Variants in METTL15 observed in about 807,000 individuals in gnomAD.
METTL15 encodes 12S rRNA N(4)-cytidine methyltransferase METTL15.
In METTL15, 34 loss-of-function variants were observed where a neutral mutation model predicts 38.3. The observed-to-expected ratio is 0.89, with a 90% confidence interval of 0.68 to 1.18. The LOEUF (loss-of-function observed/expected upper bound fraction) is 1.18. Among genes scored for constraint, METTL15 ranks in the 50% most tolerant of loss-of-function variants. The probability of loss-of-function intolerance (pLI) is 0.00; values close to 1 mark genes in which losing one functional copy is unlikely to be tolerated. For synonymous variants in METTL15, 162 were observed against 170.9 expected, an observed-to-expected ratio of 0.95 and a Z score of 0.41; for missense variants, 438 against 498.4, an observed-to-expected ratio of 0.88 and a Z score of 1.15.
chr11:28,179,225 T>C (rs1052654742), intron 3 of METTL15, among the ~76,000 whole-genome samples: 2 of 151,850 alleles, frequency 1.3e-5, no homozygotes, highest in South Asian at 2.1e-4. Flanking sequence ...TATAATCTTA[T>C]GTTTTTCCCC....
chr11:28,466,703 T>G (rs1851260185), intron 6 of METTL15, among the ~76,000 whole-genome samples: 1 of 152,176 alleles, frequency 6.6e-6, no homozygotes, highest in South Asian at 2.1e-4. Context: ...ACAGTCTCAT[T>G]TACCCTCAGC....
At chr11:28,255,823 C>T (rs936219120) in intron 4 of METTL15, among the ~76,000 whole-genome samples, 1 of 152,210 alleles carries the variant, frequency 6.6e-6, no homozygotes, top group Admixed American at 6.5e-5. Context: ...CCTGCCTTAG[C>T]CTCCCAAGTG....
At chr11:28,247,948 A>G (rs1196690264) in intron 4 of METTL15, among the ~76,000 whole-genome samples, 2 of 152,106 alleles carry the variant, frequency 1.3e-5, no homozygotes, top group Non-Finnish European at 2.9e-5. Flanking sequence ...TATAATATTG[A>G]TTTTAAAGTT....
intron 6 of METTL15, among the ~76,000 whole-genome samples, chr11:28,514,236 A>C (rs114333292): frequency 2.5e-3 from 374 of 152,328 alleles, no homozygotes; most frequent in African/African-American, 8.2e-3. Flanking sequence ...AAGCCAATCA[A>C]CATATGCCAT....
chr11:28,195,916 A>G (rs994056502), intron 3 of METTL15, among the ~76,000 whole-genome samples: 3 of 151,968 alleles, frequency 2.0e-5, no homozygotes, highest in African/African-American at 4.8e-5. Flanking sequence ...ATTTTTCTAT[A>G]TGTGGCTTTC....
intron 6 of METTL15, among the ~76,000 whole-genome samples, chr11:28,500,008 AT>A (rs11325215): frequency 0.47 from 68,138 of 144,968 alleles, 16,110 homozygotes; most frequent in Admixed American, 0.56. Flanking sequence ...TGGAATTGCT[AT>A]TTTTTTTTTT....
intron 3 of METTL15, among the ~76,000 whole-genome samples, chr11:28,151,018 A>AAG (rs1850067808): frequency 6.6e-6 from 1 of 151,214 alleles, no homozygotes; most frequent in Admixed American, 6.6e-5. Context: ...AAAAAAAAAA[A>AAG]AAAAAAAGAA....
At chr11:28,475,113 G>A (rs1302147088) in intron 6 of METTL15, among the ~76,000 whole-genome samples, 1 of 152,150 alleles carries the variant, frequency 6.6e-6, no homozygotes, top group Non-Finnish European at 1.5e-5. Context: ...GGCAAGAGTT[G>A]ATTTGAACAA....
intron 6 of METTL15, among the ~76,000 whole-genome samples, chr11:28,465,227 T>C (rs1028986815): frequency 2.2e-4 from 34 of 152,182 alleles, no homozygotes; most frequent in African/African-American, 8.2e-4. Context: ...TTCTTTTACT[T>C]CCTTGGTACC....
At chr11:28,410,122 A>G (rs554603864) in intron 5 of METTL15, among the ~76,000 whole-genome samples, 7 of 152,316 alleles carry the variant, frequency 4.6e-5, no homozygotes, top group Middle Eastern at 3.4e-3. Context: ...AGAGATAACT[A>G]AAAACCTTCC....
At chr11:28,269,059 T>A (rs1008736596) in intron 4 of METTL15, among the ~76,000 whole-genome samples, 1 of 152,218 alleles carries the variant, frequency 6.6e-6, no homozygotes, top group Non-Finnish European at 1.5e-5. Flanking sequence ...AGCGACAATA[T>A]GTTTCACCAG....
chr11:28,439,482 G>A (rs4378370), intron 6 of METTL15, among the ~76,000 whole-genome samples: 151,343 of 152,348 alleles, frequency 0.99, 75,182 homozygotes, highest in Middle Eastern at 1. Flanking sequence ...ATTTAGAATA[G>A]GCAAATTTTG....
At chr11:28,308,282 G>A (rs904404904) in intron 6 of METTL15, among the ~76,000 whole-genome samples, 13 of 152,054 alleles carry the variant, frequency 8.5e-5, no homozygotes, top group Non-Finnish European at 1.8e-4. Flanking sequence ...AACAGAATGA[G>A]CTTCTTTAAT....
At chr11:28,462,634 C>G (rs1170325828) in intron 6 of METTL15, among the ~76,000 whole-genome samples, 1 of 151,870 alleles carries the variant, frequency 6.6e-6, no homozygotes, top group East Asian at 1.9e-4. Context: ...CTTCAGGCAG[C>G]CTCATGGGAT....
chr11:28,156,518 T>A (rs1198744891), intron 3 of METTL15, among the ~76,000 whole-genome samples: 1 of 152,138 alleles, frequency 6.6e-6, no homozygotes, highest in Non-Finnish European at 1.5e-5. Flanking sequence ...GATAAATATA[T>A]TTGCCCATAA....
At chr11:28,221,808 T>G (rs1853238442) in intron 4 of METTL15, among the ~76,000 whole-genome samples, 1 of 152,216 alleles carries the variant, frequency 6.6e-6, no homozygotes, top group South Asian at 2.1e-4. Context: ...TGGAGTTTGC[T>G]GGAGGTCCAC....
chr11:28,425,082 G>A (rs1850852480), intron 6 of METTL15, among the ~76,000 whole-genome samples: 1 of 152,152 alleles, frequency 6.6e-6, no homozygotes, highest in Non-Finnish European at 1.5e-5. Flanking sequence ...GGCCTCTGGT[G>A]ATATCTTCTG....
At chr11:28,467,960 G>A (rs1350312401) in intron 6 of METTL15, among the ~76,000 whole-genome samples, 5 of 152,138 alleles carry the variant, frequency 3.3e-5, no homozygotes, top group African/African-American at 1.2e-4. Flanking sequence ...TCAAGATCTA[G>A]GAAATGGTTA....
intron 3 of METTL15, among the ~76,000 whole-genome samples, chr11:28,196,047 T>A (rs923516334): frequency 1.3e-5 from 2 of 152,130 alleles, no homozygotes; most frequent in African/African-American, 4.8e-5. Context: ...TCTATTCTGT[T>A]CCAGTGGTCT....
Sources: gnomAD v4.1 joint callset for allele counts (sites outside exome capture counted in the v4.1 genomes callset) on GRCh38, gnomAD v4.1.1 for gene constraint, MANE v1.5 for transcripts, NCBI Gene and HGNC (gene_info 2026-07-23, HGNC 2026-07-21) for gene names.